The following SLIT2 variants were observed in gnomAD, a reference collection of about 807,000 sequenced individuals.
The protein encoded by SLIT2 is slit homolog 2 protein.
SLIT2 carries 41 observed loss-of-function variants against 185.7 expected under a neutral mutation model. The observed-to-expected ratio is 0.22, with a 90% CI of 0.17 to 0.29. The LOEUF is 0.29. Among genes scored for constraint, SLIT2 ranks in the 10% least tolerant of loss-of-function variants. The pLI, the probability that SLIT2 is intolerant of heterozygous loss-of-function variation, is 1.00. For missense variants in SLIT2, 1,571 were observed against 1,909.0 expected (o/e 0.82, Z 3.30); for synonymous variants, 693 against 680.2 (o/e 1.02, Z -0.29).
intron 34 of SLIT2, chr4:20,614,753 G>A (rs971994014): frequency 6.6e-6 from 1 of 151,074 alleles, no homozygotes; most frequent in East Asian, 1.9e-4. Flanking sequence ...ACTCCAGCCT[G>A]GGCGACAAGA....
At chr4:20,560,061 A>G (rs1463463) in intron 26 of SLIT2, among the ~76,000 whole-genome samples, 6,515 of 152,016 alleles carry the variant, frequency 0.043, 232 homozygotes, top group East Asian at 0.14. Flanking sequence ...TTAAAGCAGC[A>G]AAGTCATGTT....
At chr4:20,572,659 A>G (rs868245570) in intron 29 of SLIT2, among the ~76,000 whole-genome samples, 1 of 152,154 alleles carries the variant, frequency 6.6e-6, no homozygotes, top group Admixed American at 6.6e-5. Context: ...TAATTCAAAA[A>G]TGTGCTTTTG....
chr4:20,320,712 C>A (rs566888971), intron 4 of SLIT2, among the ~76,000 whole-genome samples: 1 of 152,160 alleles, frequency 6.6e-6, no homozygotes, highest in Non-Finnish European at 1.5e-5. Context: ...ACTAATATCA[C>A]AAAGGGGTTA....
chr4:20,519,335 A>T (rs895480705), intron 11 of SLIT2, 47 bp from the exon 12 acceptor site: 3 of 910,260 alleles, frequency 3.3e-6, no homozygotes, highest in Non-Finnish European at 5.4e-6. Context: ...TGAATTTGTT[A>T]TGCAGGTTTG....
rs1459435641 is a variant in SLIT2 at position 20,525,124 on chromosome 4, A to G, written c.1439-25A>G. 5 of 1,590,684 alleles carry G rather than the reference A, an allele frequency of 3.1e-6. No individual in the cohort carries two copies. The South Asian group carries it at 4.4e-5, about 14-fold the overall frequency. ...TTGCTGACATTCAGGTGCATCTTCT[A>G]TTTTTTGTCTCTTTTTTTATTTAGC... On this transcript the variant is annotated intron_variant, in intron 14 of 36. Transcript: ENST00000504154.
Position 20,546,098 on chromosome 4 carries a change from A to C in SLIT2, c.2344A>C (p.Ile782Leu). The change falls in exon 22 of 37, where the codon ATA becomes CTA. Residue 782 changes from isoleucine to leucine, a missense_variant and splice_region_variant. Around this residue, in one of 3 missense-constraint regions of SLIT2, gnomAD observed 1,202 missense variants for 1,416.4 expected, o/e 0.85. Transcript: ENST00000504154. ...ELSNYKHLTLIDLSNNRISTL... is the reference protein window; with the variant it reads ...ELSNYKHLTLLDLSNNRISTL... The stretch of plus-strand genomic sequence containing the variant: ...CTCCAACTACAAACATTTAACACTT[A>C]TGTGAGTAACATATTGCACTTTTCT... 1 of 1,563,122 alleles carries C rather than the reference A, an allele frequency of 6.4e-7. No homozygotes were observed. The highest frequency in any genetic ancestry group is 8.8e-7 in the Non-Finnish European group (1 of 1,141,146).
chr4:20,446,894 A>G (rs1711864899), intron 4 of SLIT2, among the ~76,000 whole-genome samples: 1 of 152,220 alleles, frequency 6.6e-6, no homozygotes, highest in African/African-American at 2.4e-5. Flanking sequence ...AAATGATATT[A>G]TATGTTTATG....
chr4:20,488,255 CT>C (rs1318328738), intron 7 of SLIT2, among the ~76,000 whole-genome samples: 1 of 152,076 alleles, frequency 6.6e-6, no homozygotes. Flanking sequence ...GAGCTAATCC[CT>C]TTTCTGTGAT....
In SLIT2 at chr4:20,416,578, GA is replaced by G. The variant is rs372884794; in HGVS notation, c.396-51164del. On this transcript the variant is annotated intron_variant, in intron 4 of 36. Transcript: ENST00000504154. The stretch of plus-strand genomic sequence containing the variant: ...TGCTCCATTTCAGGTATTTTTAAAT[GA>G]AAAAAAAAATCGTATCAACTCCTGC... 7.7e-3 allele frequency among the ~76,000 whole-genome samples: 1,145 copies of G among 148,228 alleles called. 8 individuals are homozygous for G. The highest frequency in any genetic ancestry group is 9.2e-3 in the Non-Finnish European group (616 of 66,804).
chr4:20,606,092 G>A (rs1430645757), intron 33 of SLIT2, among the ~76,000 whole-genome samples: 1 of 152,082 alleles, frequency 6.6e-6, no homozygotes, highest in African/African-American at 2.4e-5. Context: ...AGGATTCCTG[G>A]ACATCCTCCA....
At chr4:20,336,811 CACTT>C (rs1338716887) in intron 4 of SLIT2, among the ~76,000 whole-genome samples, 2 of 152,208 alleles carry the variant, frequency 1.3e-5, no homozygotes, top group African/African-American at 4.8e-5. Flanking sequence ...ACTTTTCAGT[CACTT>C]ACTTTCCTCC....
intron 30 of SLIT2, 129 bp downstream of exon 30, chr4:20,589,866 G>T: frequency 4.1e-6 from 2 of 491,010 alleles, no homozygotes; most frequent in Non-Finnish European, 7.6e-6. Context: ...ACTAGTATCA[G>T]TGACATTTTT....
intron 3 of SLIT2, among the ~76,000 whole-genome samples, chr4:20,263,475 T>C (rs1040693278): frequency 2.6e-5 from 4 of 151,830 alleles, no homozygotes; most frequent in African/African-American, 9.7e-5. Flanking sequence ...GTGTGGATTA[T>C]CTAGAAATCC....
intron 3 of SLIT2, among the ~76,000 whole-genome samples, chr4:20,268,267 A>AG (rs1713239138): frequency 6.6e-6 from 1 of 151,754 alleles, no homozygotes; most frequent in Admixed American, 6.6e-5. Flanking sequence ...CTGTGGGTTG[A>AG]GGTTTGAACT....
chr4:20,254,105 C>A lies in SLIT2; in HGVS notation c.179+111C>A. On this transcript the variant is annotated intron_variant, in intron 1 of 36. Transcript: ENST00000504154. This position sits in a 1 kb window ranked among gnomAD's most constrained non-coding sequence, Gnocchi z 5.1. The stretch of plus-strand genomic sequence containing the variant: ...CTGTGCCTGGGGCAGCCCTCGCTAG[C>A]TCTCCCCCATGCACATCCTGGGGTT... 1 of 1,111,270 alleles carries A rather than the reference C, an allele frequency of 9.0e-7. No individual in the cohort carries two copies. Among genetic ancestry groups the A allele is most frequent in the Non-Finnish European group, 1.3e-6 (1 of 770,700 alleles). 68.8% of individuals were successfully genotyped at this position (1,111,270 alleles called of 1,614,324 possible).
intron 4 of SLIT2, among the ~76,000 whole-genome samples, chr4:20,437,105 C>A (rs1729392579): frequency 6.6e-6 from 1 of 152,142 alleles, no homozygotes; most frequent in African/African-American, 2.4e-5. Context: ...ATTTTTAATT[C>A]TGTAATGACT....
chr4:20,344,866 GT>G (rs2109244320), intron 4 of SLIT2, among the ~76,000 whole-genome samples: 1 of 152,082 alleles, frequency 6.6e-6, no homozygotes, highest in Non-Finnish European at 1.5e-5. Context: ...CTTTTCTTTT[GT>G]TTAAATATGA....
chr4:20,610,433 A>G (rs9993853), intron 34 of SLIT2, among the ~76,000 whole-genome samples: 48,139 of 152,102 alleles, frequency 0.32, 7,755 homozygotes, highest in East Asian at 0.49. Flanking sequence ...TCAATCACAT[A>G]TGCTAGGTGA....
At chr4:20,380,166 G>A (rs952826991) in intron 4 of SLIT2, among the ~76,000 whole-genome samples, 8 of 152,110 alleles carry the variant, frequency 5.3e-5, no homozygotes, top group Non-Finnish European at 1.0e-4. Context: ...AAGACAGCAG[G>A]TAGAGTCCTC....
Sources: gnomAD v4.1 joint callset for allele counts (sites outside exome capture counted in the v4.1 genomes callset) on GRCh38, gnomAD v4.1.1 for gene constraint, gnomAD v4.1.1 regional missense constraint, Gnocchi (gnomAD v3.1) non-coding constraint, MANE v1.5 for transcripts, NCBI Gene and HGNC (gene_info 2026-07-23, HGNC 2026-07-21) for gene names.